Variants in LARGE1 observed in about 807,000 individuals in gnomAD.
LARGE1 encodes xylosyl- and glucuronyltransferase LARGE1.
In LARGE1, 43 loss-of-function variants were observed where a neutral mutation model predicts 87.6. The observed-to-expected ratio is 0.49, with a 90% CI of 0.38 to 0.63. The LOEUF is 0.63. Ranked by LOEUF, LARGE1 falls within the 30% of genes least tolerant of loss-of-function variation. The probability of loss-of-function intolerance (pLI) is 0.00; values close to 1 mark genes in which losing one functional copy is unlikely to be tolerated. For synonymous variants in LARGE1, 434 were observed against 394.6 expected, an observed-to-expected ratio of 1.10 and a Z score of -1.18; for missense variants, 802 against 1,000.2, an observed-to-expected ratio of 0.80 and a Z score of 2.67.
At chr22:33,318,468 C>T (rs1402958112) in intron 10 of LARGE1, among the ~76,000 whole-genome samples, 1 of 152,090 alleles carries the variant, frequency 6.6e-6, no homozygotes, top group African/African-American at 2.4e-5. Context: ...GCATAGTATT[C>T]CATGGTGTAT....
At chr22:33,453,741 G>A (rs2068029055) in intron 6 of LARGE1, among the ~76,000 whole-genome samples, 1 of 152,120 alleles carries the variant, frequency 6.6e-6, no homozygotes, top group Non-Finnish European at 1.5e-5. Flanking sequence ...AACGGACTTT[G>A]TTCCAACCTC....
At chr22:33,825,327 T>C (rs997382958) in intron 1 of LARGE1, among the ~76,000 whole-genome samples, 2 of 152,094 alleles carry the variant, frequency 1.3e-5, no homozygotes, top group African/African-American at 4.8e-5. Flanking sequence ...AATAAAGACA[T>C]ACCCGAGACT....
chr22:33,700,707 G>A (rs1463888275), intron 2 of LARGE1, among the ~76,000 whole-genome samples: 1 of 152,158 alleles, frequency 6.6e-6, no homozygotes, highest in Non-Finnish European at 1.5e-5. Context: ...CTTGAAGAGT[G>A]AGTAGGAAAC....
intron 6 of LARGE1, among the ~76,000 whole-genome samples, chr22:33,451,944 TGAGTTACTTCACTGAG>T (rs2067949805): frequency 1.3e-5 from 2 of 152,226 alleles, no homozygotes; most frequent in African/African-American, 4.8e-5. Context: ...TTTCCACTCT[TGAGTTACTTCACTGAG>T]ACTAATGGTC....
At chr22:33,645,462 A>C (rs1447897715) in intron 3 of LARGE1, among the ~76,000 whole-genome samples, 1 of 152,206 alleles carries the variant, frequency 6.6e-6, no homozygotes, top group African/African-American at 2.4e-5. Flanking sequence ...TTAAAGACTT[A>C]AACATAAGAC....
At chr22:33,672,945 G>A (rs1420512984) in intron 2 of LARGE1, among the ~76,000 whole-genome samples, 4 of 152,086 alleles carry the variant, frequency 2.6e-5, no homozygotes, top group Admixed American at 1.3e-4. Context: ...GTTACACTGC[G>A]GTAAGTACAG....
At chr22:33,558,781 T>C (rs551188213) in intron 6 of LARGE1, among the ~76,000 whole-genome samples, 14 of 152,336 alleles carry the variant, frequency 9.2e-5, no homozygotes, top group African/African-American at 3.4e-4. Flanking sequence ...TCAAAAGTAA[T>C]ACTTCAATGT....
At chr22:33,679,470 A>G (rs767642502) in intron 2 of LARGE1, among the ~76,000 whole-genome samples, 102 of 147,478 alleles carry the variant, frequency 6.9e-4, no homozygotes, top group East Asian at 3.5e-3. Context: ...ACACACACGC[A>G]CACACACACA....
At chr22:33,738,839 C>A (rs1170293962) in intron 2 of LARGE1, among the ~76,000 whole-genome samples, 1 of 142,580 alleles carries the variant, frequency 7.0e-6, no homozygotes, top group African/African-American at 2.7e-5. Context: ...AGCGAGACTC[C>A]GTCTCAAAAA....
intron 4 of LARGE1, among the ~76,000 whole-genome samples, chr22:33,606,082 A>T (rs191845646): frequency 2.6e-5 from 4 of 152,164 alleles, no homozygotes; most frequent in Admixed American, 2.6e-4. Flanking sequence ...TGGAGCAGAG[A>T]AGGACATGAG....
At chr22:33,222,414 A>G (rs1925499126) in intron 11 of LARGE1, among the ~76,000 whole-genome samples, 1 of 152,212 alleles carries the variant, frequency 6.6e-6, no homozygotes, top group Non-Finnish European at 1.5e-5. Context: ...AGCATGTTGA[A>G]TGGTGCCCCC....
intron 1 of LARGE1, among the ~76,000 whole-genome samples, chr22:33,879,865 G>A (rs2064616589): frequency 6.6e-6 from 1 of 152,178 alleles, no homozygotes; most frequent in South Asian, 2.1e-4. Context: ...TCAGGTACAT[G>A]GGAATTACTC....
chr22:33,571,013 A>G (rs2078185440), intron 5 of LARGE1, among the ~76,000 whole-genome samples: 2 of 152,218 alleles, frequency 1.3e-5, no homozygotes, highest in Non-Finnish European at 2.9e-5. Context: ...CATGTTGTTC[A>G]TCACTATCAA....
At chr22:33,922,119 C>T (rs994590767), upstream of LARGE1, among the ~76,000 whole-genome samples, 5 of 152,238 alleles carry the variant, frequency 3.3e-5, no homozygotes, top group South Asian at 1.0e-3. Flanking sequence ...TCCCTCTGCG[C>T]GCCTCTCCGC....
At chr22:33,436,939 T>C (rs1459707758) in intron 6 of LARGE1, among the ~76,000 whole-genome samples, 1 of 151,740 alleles carries the variant, frequency 6.6e-6, no homozygotes, top group African/African-American at 2.4e-5. Context: ...TTCACCTTTA[T>C]CAGTAAAATA....
intron 11 of LARGE1, among the ~76,000 whole-genome samples, chr22:33,216,159 G>A (rs1399657019): frequency 6.6e-6 from 1 of 152,128 alleles, no homozygotes; most frequent in Non-Finnish European, 1.5e-5. Flanking sequence ...GTCCATATGT[G>A]CCTGGGTCTA....
chr22:33,817,737 C>T (rs1157791303), intron 1 of LARGE1, among the ~76,000 whole-genome samples: 2 of 152,194 alleles, frequency 1.3e-5, no homozygotes, highest in Non-Finnish European at 2.9e-5. Flanking sequence ...GACAGGCTCT[C>T]ACCGATATTA....
At chr22:33,177,680 G>A (rs1253300466) in intron 11 of LARGE1, among the ~76,000 whole-genome samples, 1 of 152,192 alleles carries the variant, frequency 6.6e-6, no homozygotes, top group African/African-American at 2.4e-5. Context: ...GATGACTAGA[G>A]GTTGCTTGGA....
chr22:33,662,955 G>C (rs1319136239), intron 2 of LARGE1, among the ~76,000 whole-genome samples: 1 of 152,020 alleles, frequency 6.6e-6, no homozygotes, highest in African/African-American at 2.4e-5. Context: ...TCACAGTAGT[G>C]TCCAACCACC....
Sources: allele counts gnomAD v4.1 joint callset (sites outside exome capture counted in the v4.1 genomes callset), GRCh38; gene constraint gnomAD v4.1.1; transcripts MANE v1.5; gene names NCBI Gene and HGNC (gene_info 2026-07-23, HGNC 2026-07-21).